SLC71A1: variants seen among roughly 807,000 people sequenced by gnomAD.
SLC71A1 encodes solute carrier family 71 member 1.
the SLC71A1 span, chr1:100,049,935 C>T: frequency 3.7e-6 from 6 of 1,607,558 alleles, no homozygotes; most frequent in African/African-American, 8.0e-5. Context: ...CTCCTAGTGT[C>T]TATCATGCAG....
chr1:100,050,175 T>C, the SLC71A1 span, among the ~76,000 whole-genome samples: 1 of 152,080 alleles, frequency 6.6e-6, no homozygotes, highest in Non-Finnish European at 1.5e-5. Flanking sequence ...CTCCCTTACC[T>C]TTTTTTGGGA....
chr1:100,070,145 G>A, the SLC71A1 span, among the ~76,000 whole-genome samples: 1 of 152,278 alleles, frequency 6.6e-6, no homozygotes, highest in Non-Finnish European at 1.5e-5. Context: ...CAGAGAAAAA[G>A]CTAAGGGTCA....
At chr1:100,053,332 A>G in the SLC71A1 span, among the ~76,000 whole-genome samples, 1 of 152,154 alleles carries the variant, frequency 6.6e-6, no homozygotes, top group Admixed American at 6.5e-5. Flanking sequence ...TGGGTAAAAG[A>G]AGGCTCTCCT....
the SLC71A1 span, among the ~76,000 whole-genome samples, chr1:100,053,250 G>A: frequency 6.6e-6 from 1 of 152,074 alleles, no homozygotes; most frequent in East Asian, 1.9e-4. Flanking sequence ...GGCAGTCTTT[G>A]TTTTGGGCCC....
the SLC71A1 span, among the ~76,000 whole-genome samples, chr1:100,055,259 T>A: frequency 6.6e-6 from 1 of 152,152 alleles, no homozygotes; most frequent in Non-Finnish European, 1.5e-5. Flanking sequence ...GTAAAAAGTT[T>A]TGAGATACTA....
chr1:100,038,450 T>C, the SLC71A1 span: 5 of 756,590 alleles, frequency 6.6e-6, no homozygotes, highest in Admixed American at 1.2e-4. Context: ...TGCCGGTGCC[T>C]CGGGGTCGCG....
the SLC71A1 span, among the ~76,000 whole-genome samples, chr1:100,066,005 G>A: frequency 6.6e-6 from 1 of 152,116 alleles, no homozygotes; most frequent in Non-Finnish European, 1.5e-5. Flanking sequence ...GTTTCCTGCT[G>A]TCACATCTGC....
chr1:100,038,558 T>G, the SLC71A1 span, among the ~76,000 whole-genome samples: 252 of 152,266 alleles, frequency 1.7e-3, 3 homozygotes, highest in African/African-American at 5.7e-3. Context: ...CGCCCTCTGC[T>G]CTGGCCGCCT....
At chr1:100,063,077 TA>T in the SLC71A1 span, among the ~76,000 whole-genome samples, 1 of 152,186 alleles carries the variant, frequency 6.6e-6, no homozygotes, top group Non-Finnish European at 1.5e-5. Flanking sequence ...TTTATGAGTA[TA>T]GTTCAGTGAA....
the SLC71A1 span, among the ~76,000 whole-genome samples, chr1:100,045,000 A>G: frequency 2.0e-5 from 3 of 152,074 alleles, no homozygotes; most frequent in Admixed American, 2.0e-4. Flanking sequence ...TTTTGGTTCC[A>G]TATGAATTTT....
chr1:100,080,520 G>A, the SLC71A1 span: 1 of 1,613,626 alleles, frequency 6.2e-7, no homozygotes, highest in Non-Finnish European at 8.5e-7. Context: ...ATGATAACAG[G>A]AATTCGAGGA....
At chr1:100,077,102 G>A in the SLC71A1 span, 1 of 775,114 alleles carries the variant, frequency 1.3e-6, no homozygotes, top group Non-Finnish European at 2.1e-6. Flanking sequence ...CTTTTATAGT[G>A]TAGATTGAAA....
At chr1:100,051,525 C>T in the SLC71A1 span, among the ~76,000 whole-genome samples, 1 of 149,810 alleles carries the variant, frequency 6.7e-6, no homozygotes, top group Non-Finnish European at 1.5e-5. Context: ...TACACATTTC[C>T]TGGCTTCATA....
chr1:100,075,955 G>C, the SLC71A1 span, among the ~76,000 whole-genome samples: 1 of 152,198 alleles, frequency 6.6e-6, no homozygotes, highest in East Asian at 1.9e-4. Context: ...TGGGATTACA[G>C]ATATGAGTCA....
At chr1:100,048,229 G>A in the SLC71A1 span, among the ~76,000 whole-genome samples, 1 of 151,586 alleles carries the variant, frequency 6.6e-6, no homozygotes, top group Non-Finnish European at 1.5e-5. Context: ...CCCAGGCTGG[G>A]GTGCAGTGGT....
chr1:100,082,244 C>G, the SLC71A1 span: 3 of 1,541,202 alleles, frequency 1.9e-6, no homozygotes, highest in African/African-American at 4.1e-5. Context: ...TATCAGCACC[C>G]AGGTCTTAGT....
At chr1:100,049,079 T>G in the SLC71A1 span, among the ~76,000 whole-genome samples, 18 of 152,366 alleles carry the variant, frequency 1.2e-4, no homozygotes, top group African/African-American at 4.3e-4. Context: ...TTGTTTGAGC[T>G]GATTCAGATA....
At chr1:100,066,201 T>G in the SLC71A1 span, among the ~76,000 whole-genome samples, 84 of 152,322 alleles carry the variant, frequency 5.5e-4, no homozygotes, top group Middle Eastern at 3.4e-3. Flanking sequence ...ACTAAAAAGA[T>G]TACCAAGCTC....
At chr1:100,068,543 C>T in the SLC71A1 span, 4 of 1,613,748 alleles carry the variant, frequency 2.5e-6, no homozygotes, top group Non-Finnish European at 3.4e-6. Flanking sequence ...TCCTACCTAC[C>T]GGAGGCAGGC....
Sources: allele counts gnomAD v4.1 joint callset (sites outside exome capture counted in the v4.1 genomes callset), GRCh38; gene constraint gnomAD v4.1.1; transcripts MANE v1.5; gene names NCBI Gene and HGNC (gene_info 2026-07-23, HGNC 2026-07-21).